GSTCD: variants seen among roughly 807,000 people sequenced by gnomAD.
The protein encoded by GSTCD is glutathione S-transferase C-terminal domain-containing protein.
In GSTCD, 44 loss-of-function variants were observed where a neutral mutation model predicts 68.3. The ratio of observed to expected loss-of-function variants is 0.64; its 90% CI spans 0.51 to 0.83. The LOEUF (loss-of-function observed/expected upper bound fraction) is 0.83, where lower values mean the gene tolerates loss of function less well. Ranked by LOEUF, GSTCD falls within the 40% of genes least tolerant of loss-of-function variation. The pLI is 0.00. For missense variants in GSTCD, 739 were observed against 735.9 expected, an observed-to-expected ratio of 1.00 and a Z score of -0.05; for synonymous variants, 273 against 255.2, an observed-to-expected ratio of 1.07 and a Z score of -0.67.
intron 8 of GSTCD, among the ~76,000 whole-genome samples, chr4:105,831,771 A>G (rs986834641): frequency 6.6e-6 from 1 of 151,936 alleles, no homozygotes; most frequent in African/African-American, 2.4e-5. Flanking sequence ...GCCAGTCTCT[A>G]CTGAAAATAC....
chr4:105,750,460 C>CAAAAA (rs1024094979), intron 5 of GSTCD, among the ~76,000 whole-genome samples: 18 of 51,074 alleles, frequency 3.5e-4, no homozygotes, highest in Middle Eastern at 0.01. Context: ...AACTCCGTCT[C>CAAAAA]AAAAAAAAAA....
intron 5 of GSTCD, among the ~76,000 whole-genome samples, chr4:105,771,470 C>G (rs192298156): frequency 1.2e-4 from 19 of 152,152 alleles, no homozygotes; most frequent in African/African-American, 3.9e-4. Flanking sequence ...ATGGTATTGC[C>G]TAGGTTTTCT....
intron 5 of GSTCD, among the ~76,000 whole-genome samples, chr4:105,754,015 G>T (rs1464092758): frequency 1.3e-5 from 2 of 151,668 alleles, no homozygotes; most frequent in East Asian, 3.9e-4. Context: ...GAAAACTAAT[G>T]ATGTAGATCC....
chr4:105,825,087 G>C (rs994697719), intron 7 of GSTCD, among the ~76,000 whole-genome samples: 8 of 151,214 alleles, frequency 5.3e-5, no homozygotes, highest in Admixed American at 4.0e-4. Flanking sequence ...TTTTTTGTTT[G>C]CTTGGTTGGT....
At chr4:105,785,626 G>T (rs1001977160) in intron 5 of GSTCD, among the ~76,000 whole-genome samples, 1 of 151,980 alleles carries the variant, frequency 6.6e-6, no homozygotes, top group African/African-American at 2.4e-5. Flanking sequence ...GGAAAAGAAG[G>T]GAACATCCTC....
chr4:105,833,230 C>T (rs955483711), intron 8 of GSTCD, among the ~76,000 whole-genome samples: 15 of 152,020 alleles, frequency 9.9e-5, no homozygotes, highest in African/African-American at 4.8e-5. Context: ...TTTGGGAGGC[C>T]GAGGTGGGCG....
intron 5 of GSTCD, among the ~76,000 whole-genome samples, chr4:105,788,322 C>T (rs577385811): frequency 9.5e-5 from 13 of 137,356 alleles, no homozygotes; most frequent in African/African-American, 4.7e-4. Context: ...GTCCATTTTA[C>T]AAATAGTTAA....
intron 5 of GSTCD, among the ~76,000 whole-genome samples, chr4:105,816,125 A>G (rs1048402251): frequency 1.1e-4 from 17 of 152,270 alleles, no homozygotes; most frequent in African/African-American, 4.1e-4. Context: ...AGATGTGATT[A>G]TACTTTCTTC....
intron 5 of GSTCD, among the ~76,000 whole-genome samples, chr4:105,775,503 A>G (rs112580434): frequency 3.5e-4 from 53 of 152,022 alleles, no homozygotes; most frequent in Non-Finnish European, 3.5e-4. Flanking sequence ...TTTGGTCTTC[A>G]TGTTGGTGAT....
At chr4:105,797,056 G>T (rs1458538884) in intron 5 of GSTCD, among the ~76,000 whole-genome samples, 1 of 150,622 alleles carries the variant, frequency 6.6e-6, no homozygotes, top group Non-Finnish European at 1.5e-5. Context: ...ATGTGTGTGT[G>T]TGTGTGTGTG....
At chr4:105,710,090 C>T (rs955753552) in intron 1 of GSTCD, among the ~76,000 whole-genome samples, 1 of 151,818 alleles carries the variant, frequency 6.6e-6, no homozygotes, top group African/African-American at 2.4e-5. Context: ...TGTGAGGTCT[C>T]ACTTCAAAAA....
chr4:105,717,428 C>G (rs1352498604), intron 1 of GSTCD, among the ~76,000 whole-genome samples, 165 bp from the exon 2 acceptor site: 4 of 151,964 alleles, frequency 2.6e-5, no homozygotes, highest in African/African-American at 7.2e-5. Flanking sequence ...GAATTTTTTT[C>G]TTTTGGAAGT....
intron 5 of GSTCD, among the ~76,000 whole-genome samples, chr4:105,792,093 C>T (rs1735698701): frequency 6.6e-6 from 1 of 152,094 alleles, no homozygotes; most frequent in Non-Finnish European, 1.5e-5. Flanking sequence ...AGATTGGACA[C>T]TGCTCTTCAT....
chr4:105,727,411 C>A (rs565909204), intron 4 of GSTCD, among the ~76,000 whole-genome samples: 1 of 151,610 alleles, frequency 6.6e-6, no homozygotes, highest in Non-Finnish European at 1.5e-5. Flanking sequence ...GTGGTCCCAG[C>A]TATTCAGGAG....
At chr4:105,825,822 A>G (rs1723575254) in intron 8 of GSTCD, 22 bp downstream of exon 8, 2 of 1,390,536 alleles carry the variant, frequency 1.4e-6, no homozygotes, top group Admixed American at 1.8e-5. Flanking sequence ...AGTAATTTCA[A>G]TTTCTTTAAT....
chr4:105,816,234 A>G (rs1021362720), intron 5 of GSTCD, among the ~76,000 whole-genome samples: 2 of 152,172 alleles, frequency 1.3e-5, no homozygotes, highest in Non-Finnish European at 2.9e-5. Flanking sequence ...TGAAAGGTGC[A>G]TGATATTTTT....
intron 5 of GSTCD, among the ~76,000 whole-genome samples, chr4:105,730,285 A>G (rs561587064): frequency 4.3e-4 from 65 of 152,310 alleles, no homozygotes; most frequent in African/African-American, 1.3e-3. Flanking sequence ...GTCAAATGGT[A>G]TTTCTAGTTC....
intron 5 of GSTCD, among the ~76,000 whole-genome samples, chr4:105,732,337 G>A (rs192713776): frequency 2.0e-5 from 3 of 152,160 alleles, no homozygotes; most frequent in Non-Finnish European, 4.4e-5. Context: ...TTTTTTGGTT[G>A]GTAGGCTATT....
chr4:105,743,862 G>C (rs142623312), intron 5 of GSTCD, among the ~76,000 whole-genome samples: 1 of 151,536 alleles, frequency 6.6e-6, no homozygotes. Context: ...GGGTTTCACC[G>C]TGCTAGCCAG....
Sources: gnomAD v4.1 joint callset for allele counts (sites outside exome capture counted in the v4.1 genomes callset) on GRCh38, gnomAD v4.1.1 for gene constraint, MANE v1.5 for transcripts, NCBI Gene and HGNC (gene_info 2026-07-23, HGNC 2026-07-21) for gene names.